Variants in MYO18B observed in about 807,000 individuals in gnomAD.
The protein encoded by MYO18B is unconventional myosin-XVIIIb.
Under a neutral mutation model 273.0 loss-of-function variants are expected in MYO18B, and 204 were observed. The ratio of observed to expected loss-of-function variants is 0.75; its 90% CI spans 0.67 to 0.84. The LOEUF (loss-of-function observed/expected upper bound fraction) is 0.84, where lower values mean the gene tolerates loss of function less well. Ranked by LOEUF, MYO18B falls within the 40% of genes least tolerant of loss-of-function variation. The probability of loss-of-function intolerance (pLI) is 0.00; values close to 1 mark genes in which losing one functional copy is unlikely to be tolerated. For synonymous variants in MYO18B, 1,330 were observed against 1,305.7 expected (o/e 1.02, Z -0.40); for missense variants, 3,212 against 3,287.6 (o/e 0.98, Z 0.56).
chr22:25,943,220 G>A (rs2092665322), intron 34 of MYO18B, among the ~76,000 whole-genome samples: 1 of 152,028 alleles, frequency 6.6e-6, no homozygotes, highest in Middle Eastern at 3.2e-3. Flanking sequence ...TCCCTTGATG[G>A]CCCATCTGCT....
chr22:25,892,334 A>G (rs941385805), intron 27 of MYO18B: 4 of 152,274 alleles, frequency 2.6e-5, no homozygotes, highest in African/African-American at 9.6e-5. Context: ...CAGGCGCACA[A>G]CAGTTACCAA....
intron 31 of MYO18B, among the ~76,000 whole-genome samples, 180 bp from the exon 32 acceptor site, chr22:25,908,142 A>C (rs2092084526): frequency 6.6e-6 from 1 of 152,168 alleles, no homozygotes; most frequent in African/African-American, 2.4e-5. Context: ...GAATGGATAG[A>C]GGCAATATTT....
In MYO18B at chr22:25,876,196, G is replaced by A. The variant is rs775727553; in HGVS notation, c.4088G>A (p.Arg1363Gln). ...TGTTCTCCTTCCCTGCAGATTCGCC[G>A]ACTGGCTGCACAGTGCATCCAGAAG... ...RQEFKKLKIRRLAAQCIQKNV... is the reference protein window; with the variant it reads ...RQEFKKLKIRQLAAQCIQKNV... The change falls in exon 24 of 44, where the codon CGA becomes CAA. Residue 1363 changes from arginine (R) to glutamine (Q), a missense_variant. Physicochemically the swap from Arg to Gln is conservative, Grantham distance 43. Transcript: ENST00000335473. The A allele has an allele frequency of 1.4e-5, 22 of 1,605,022 alleles. No individual in the cohort carries two copies. The South Asian group carries it at 1.8e-4, about 13-fold the overall frequency.
rs369050444 is a variant in MYO18B, at chr22:25,770,982, C to T, written c.1690C>T (p.Arg564Trp). 1.7e-5 allele frequency: 26 copies of T among 1,550,260 alleles called. No homozygotes were observed. The highest frequency in any genetic ancestry group is 8.2e-5 in the African/African-American group (6 of 73,012). The change falls in exon 6 of 44, where the codon CGG becomes TGG. Residue 564 changes from arginine (R) to tryptophan (W), a missense_variant and splice_region_variant. By Grantham distance (101) the Arg-to-Trp change is moderately radical (BLOSUM62 -3). Coordinates refer to ENST00000335473, the MANE Select transcript of MYO18B (RefSeq NM_032608.7). ...TGAGGTGGATGAGGAGCATGTCCAT[C>T]GGGTGAGTCCCCTGTCCCGCCGTCC... ...ITEVDEEHVH[R>W]ANPPELDQVE...
intron 19 of MYO18B, among the ~76,000 whole-genome samples, chr22:25,846,853 G>A (rs749180810): frequency 1.2e-4 from 19 of 152,136 alleles, no homozygotes; most frequent in Non-Finnish European, 1.9e-4. Flanking sequence ...AGGCCAAGGC[G>A]GGCAGATCAC....
rs556480917 is a variant in MYO18B, at chr22:25,921,131, C to CT, written c.5365-124dup. On this transcript the variant is annotated intron_variant, in intron 33 of 43. Transcript: ENST00000335473. ...ACTGAGGCTCGGAGAGGAGAATGGT[C>CT]TTGTCCAAGGTCACACGGTGTGAGT... is the stretch of plus-strand genomic sequence containing the variant. 9.3e-4 allele frequency: 891 copies of CT among 957,080 alleles called. 16 individuals are homozygous for CT. In the South Asian group the frequency reaches 0.016, roughly 17 times the overall value. The allele number at this position is 957,080 out of a possible 1,614,324, so 59.3% of individuals were successfully genotyped here. A position where few individuals can be genotyped will look rare whatever the true frequency, so the allele number is the denominator to read the frequency against.
chr22:25,838,847 A>G (rs1371761136), intron 17 of MYO18B, among the ~76,000 whole-genome samples: 1 of 150,766 alleles, frequency 6.6e-6, no homozygotes, highest in Non-Finnish European at 1.5e-5. Flanking sequence ...GTGTAAATAT[A>G]TGTGTATGTG....
Position 25,777,694 on chromosome 22 carries a change from T to C in MYO18B, c.1981T>C (p.Trp661Arg), listed in dbSNP as rs5761170. The change falls in exon 8 of 44, where the codon TGG becomes CGG. Residue 661 changes from tryptophan to arginine, a missense_variant. Transcript: ENST00000335473. ...AGACCAGAGCATTGTGGCCCTGGGC[T>C]GGAGTGGCGCTGGGAAGACCACCTG... is the stretch of plus-strand genomic sequence containing the variant. ...RRDQSIVALG[W>R]SGAGKTTCCE... The C allele has an allele frequency of 0.98, 1,575,817 of 1,612,772 alleles. 770,519 individuals carry two copies. The highest frequency in any genetic ancestry group is 0.99 in the Non-Finnish European group (1,163,962 of 1,179,340).
intron 31 of MYO18B, among the ~76,000 whole-genome samples, chr22:25,904,921 A>G (rs999280808): frequency 2.0e-5 from 3 of 146,500 alleles, no homozygotes; most frequent in African/African-American, 7.9e-5. Context: ...AGAAAAAGGA[A>G]ATGTGAGTTA....
chr22:25,895,229 C>G lies in MYO18B; in HGVS notation c.4617C>G (p.Cys1539Trp). 1 of 1,608,754 alleles carries G rather than the reference C, an allele frequency of 6.2e-7. No homozygotes were observed. Among genetic ancestry groups the G allele is most frequent in the East Asian group, 2.2e-5 (1 of 44,688 alleles). Reference sequence around the variant, plus strand: ...TCCTCAGAAAGCGTCTGCAGCAATGCGAGGAGAGGCTGGACTCGGAGCTGA... The same window carrying G: ...TCCTCAGAAAGCGTCTGCAGCAATGGGAGGAGAGGCTGGACTCGGAGCTGA... ...NEFLRKRLQQ[C>W]EERLDSELTA... The change falls in exon 28 of 44, where the codon TGC becomes TGG. Residue 1539 changes from cysteine (C) to tryptophan (W), a missense_variant. Physicochemically the swap from Cys to Trp is radical, Grantham distance 215. Coordinates refer to ENST00000335473, the MANE Select transcript of MYO18B (RefSeq NM_032608.7).
chr22:25,948,404 GTCTTTCCTTCCT>G (rs2092740930), intron 36 of MYO18B, among the ~76,000 whole-genome samples: 1 of 142,934 alleles, frequency 7.0e-6, no homozygotes, highest in Non-Finnish European at 1.5e-5. Context: ...TCTTTTTCCT[GTCTTTCCTTCCT>G]TCCTTCCTTC....
chr22:25,847,706 C>A, intron 20 of MYO18B, 54 bp downstream of exon 20: 2 of 1,386,634 alleles, frequency 1.4e-6, no homozygotes, highest in Non-Finnish European at 2.0e-6. Flanking sequence ...GACATGTCCA[C>A]CCACCAGTGG....
intron 12 of MYO18B, among the ~76,000 whole-genome samples, chr22:25,804,042 C>A (rs952321347): frequency 6.6e-6 from 1 of 151,200 alleles, no homozygotes; most frequent in East Asian, 2.0e-4. Context: ...CAGAGGGAAT[C>A]TTCTGTATTC....
chr22:25,929,163 A>AG (rs1417873509), intron 34 of MYO18B, among the ~76,000 whole-genome samples: 1 of 151,096 alleles, frequency 6.6e-6, no homozygotes, highest in Non-Finnish European at 1.5e-5. Context: ...ACTGTCTCAA[A>AG]AAAAAAAAAA....
intron 39 of MYO18B, among the ~76,000 whole-genome samples, chr22:25,968,257 T>G (rs2092999781): frequency 6.6e-6 from 1 of 152,196 alleles, no homozygotes; most frequent in Non-Finnish European, 1.5e-5. Context: ...GAGGCTGGAT[T>G]GAACAGTTCT....
chr22:25,808,606 C>T (rs1353053207), intron 12 of MYO18B, among the ~76,000 whole-genome samples: 1 of 152,134 alleles, frequency 6.6e-6, no homozygotes. Flanking sequence ...CATCTAATCT[C>T]CATCCAGTCC....
chr22:25,855,717 G>A (rs1243053252), intron 21 of MYO18B, among the ~76,000 whole-genome samples: 2 of 152,112 alleles, frequency 1.3e-5, no homozygotes, highest in Admixed American at 1.3e-4. Flanking sequence ...GAGCATACAT[G>A]TGCATGTGTC....
the MYO18B span, among the ~76,000 whole-genome samples, chr22:26,037,579 C>T: frequency 1.3e-5 from 2 of 152,178 alleles, no homozygotes; most frequent in African/African-American, 2.4e-5. Context: ...CACAGGCAGG[C>T]GGTGCTCCAA....
At chr22:25,996,900 C>T (rs1933311443) in intron 40 of MYO18B, among the ~76,000 whole-genome samples, 1 of 152,116 alleles carries the variant, frequency 6.6e-6, no homozygotes, top group Non-Finnish European at 1.5e-5. Context: ...TTCCTCTTTC[C>T]CTTTCTCCTA....
Sources: allele counts gnomAD v4.1 joint callset (sites outside exome capture counted in the v4.1 genomes callset), GRCh38; gene constraint gnomAD v4.1.1; transcripts MANE v1.5; gene names NCBI Gene and HGNC (gene_info 2026-07-23, HGNC 2026-07-21).